Variants in SHISA6 observed in about 807,000 individuals in gnomAD.
The protein encoded by SHISA6 is protein shisa-6.
In SHISA6, 22 loss-of-function variants were observed where a neutral mutation model predicts 47.9. That is an observed-to-expected ratio of 0.46 (90% confidence interval 0.33 to 0.66). SHISA6 has a LOEUF of 0.66. Among genes scored for constraint, SHISA6 ranks in the 30% least tolerant of loss-of-function variants. The probability of loss-of-function intolerance (pLI) is 0.02; values close to 1 mark genes in which losing one functional copy is unlikely to be tolerated. For missense variants in SHISA6, 680 were observed against 764.6 expected (o/e 0.89, Z 1.30); for synonymous variants, 388 against 337.8 (o/e 1.15, Z -1.63).
In SHISA6 at chr17:11,471,913, A is replaced by G. The variant is rs538884107; in HGVS notation, c.896-79983A>G. Among the ~76,000 whole-genome samples the G allele has an allele frequency of 8.5e-5, 13 of 152,242 alleles. No homozygotes were observed. In the South Asian group the frequency reaches 2.7e-3, roughly 32 times the overall value. On this transcript the variant is annotated intron_variant, in intron 3 of 5. Coordinates refer to ENST00000441885, the MANE Select transcript of SHISA6 (RefSeq NM_207386.4). The stretch of plus-strand genomic sequence containing the variant: ...CATCCCCCACTGTAGTGGTACATTC[A>G]TTAAAATTGATACACCTACATTTAT...
chr17:11,494,889 A>G (rs900757507), intron 3 of SHISA6, among the ~76,000 whole-genome samples: 1 of 152,074 alleles, frequency 6.6e-6, no homozygotes, highest in African/African-American at 2.4e-5. Context: ...ATTACATCAA[A>G]ATGTCTGGAG....
intron 3 of SHISA6, among the ~76,000 whole-genome samples, chr17:11,500,643 T>C (rs1353813126): frequency 1.3e-5 from 2 of 152,176 alleles, no homozygotes; most frequent in Non-Finnish European, 2.9e-5. Context: ...CGCTAACAAA[T>C]ACGGTAGCCA....
intron 3 of SHISA6, among the ~76,000 whole-genome samples, chr17:11,462,752 T>G (rs1915722583): frequency 6.6e-6 from 1 of 152,088 alleles, no homozygotes; most frequent in South Asian, 2.1e-4. Flanking sequence ...CTCAGCCTCC[T>G]GAGTAGCTGG....
At chr17:11,407,493 GTT>G (rs35828366) in intron 3 of SHISA6, among the ~76,000 whole-genome samples, 3 of 150,392 alleles carry the variant, frequency 2.0e-5, no homozygotes, top group East Asian at 3.9e-4. Flanking sequence ...TTAGCATATT[GTT>G]TTTTTTTTCC....
intron 3 of SHISA6, among the ~76,000 whole-genome samples, chr17:11,401,431 T>C (rs1913769305): frequency 1.3e-5 from 2 of 152,306 alleles, no homozygotes; most frequent in East Asian, 1.9e-4. Flanking sequence ...ACTCCTGAGC[T>C]CAAGCAGTCT....
intron 3 of SHISA6, among the ~76,000 whole-genome samples, chr17:11,408,948 G>A (rs1428147501): frequency 6.6e-6 from 1 of 152,158 alleles, no homozygotes; most frequent in Non-Finnish European, 1.5e-5. Context: ...AAATTCAAAT[G>A]TTATTGCTTT....
intron 3 of SHISA6, among the ~76,000 whole-genome samples, chr17:11,523,290 C>A (rs2071645972): frequency 6.6e-6 from 1 of 152,234 alleles, no homozygotes; most frequent in Non-Finnish European, 1.5e-5. Context: ...TGTAGTTTCA[C>A]TGTAGTCATT....
chr17:11,433,168 G>T (rs1407266031), intron 3 of SHISA6, among the ~76,000 whole-genome samples: 5 of 152,136 alleles, frequency 3.3e-5, no homozygotes, highest in South Asian at 4.1e-4. Flanking sequence ...TGCCATGGTG[G>T]TTTGCTGCAC....
At chr17:11,459,218 CA>C (rs200165239) in intron 3 of SHISA6, among the ~76,000 whole-genome samples, 26,474 of 90,532 alleles carry the variant, frequency 0.29, 2,304 homozygotes, top group Middle Eastern at 0.43. Flanking sequence ...GACTCCATCT[CA>C]AAAAAAAAAA....
intron 3 of SHISA6, among the ~76,000 whole-genome samples, chr17:11,412,545 CT>C (rs34149055): frequency 0.2 from 23,896 of 117,024 alleles, 2,501 homozygotes; most frequent in African/African-American, 0.39. Context: ...TAGACTTCTT[CT>C]TTTTTTTTTT....
intron 2 of SHISA6, among the ~76,000 whole-genome samples, chr17:11,378,759 G>A (rs915093057): frequency 6.6e-6 from 1 of 152,158 alleles, no homozygotes; most frequent in African/African-American, 2.4e-5. Flanking sequence ...AGTTAAAGAA[G>A]CGAAGCACGT....
chr17:11,512,695 C>A (rs1012164742), intron 3 of SHISA6, among the ~76,000 whole-genome samples: 2 of 151,854 alleles, frequency 1.3e-5, no homozygotes, highest in African/African-American at 4.8e-5. Flanking sequence ...TCAAAAATAA[C>A]CATTTATTAT....
At chr17:11,534,249 G>T (rs1322593707) in intron 3 of SHISA6, among the ~76,000 whole-genome samples, 1 of 144,598 alleles carries the variant, frequency 6.9e-6, no homozygotes, top group Non-Finnish European at 1.5e-5. Flanking sequence ...CAAGTGATCC[G>T]CCCACCTTGG....
intron 3 of SHISA6, among the ~76,000 whole-genome samples, chr17:11,450,597 T>G (rs1915369335): frequency 6.6e-6 from 1 of 151,906 alleles, no homozygotes; most frequent in South Asian, 2.1e-4. Flanking sequence ...AGACAGATGT[T>G]GCAGTGAGCC....
At chr17:11,499,074 G>A (rs1013463456) in intron 3 of SHISA6, among the ~76,000 whole-genome samples, 5 of 152,184 alleles carry the variant, frequency 3.3e-5, no homozygotes, top group Admixed American at 6.5e-5. Context: ...CCCTCAGCAC[G>A]TGGACTGGCT....
intron 2 of SHISA6, among the ~76,000 whole-genome samples, chr17:11,286,308 C>T (rs1429573865): frequency 6.6e-6 from 1 of 152,208 alleles, no homozygotes; most frequent in Non-Finnish European, 1.5e-5. Context: ...TCCACATATC[C>T]TGGGCTTACA....
At chr17:11,350,178 A>ATTT (rs199879665) in intron 2 of SHISA6, among the ~76,000 whole-genome samples, 58 of 101,142 alleles carry the variant, frequency 5.7e-4, no homozygotes, top group South Asian at 1.7e-3. Flanking sequence ...TTATTTATTT[A>ATTT]TTTATTTTTT....
chr17:11,488,483 A>G (rs1349392882), intron 3 of SHISA6, among the ~76,000 whole-genome samples: 2 of 152,148 alleles, frequency 1.3e-5, no homozygotes, highest in Non-Finnish European at 1.5e-5. Flanking sequence ...GATCAACTCA[A>G]ACTGGACTAA....
At chr17:11,306,589 C>T (rs1351095903) in intron 2 of SHISA6, among the ~76,000 whole-genome samples, 2 of 152,174 alleles carry the variant, frequency 1.3e-5, no homozygotes, top group Non-Finnish European at 2.9e-5. Flanking sequence ...CATTGGTGAG[C>T]CCGCCCTTTG....
Sources: gnomAD v4.1 joint callset for allele counts (sites outside exome capture counted in the v4.1 genomes callset) on GRCh38, gnomAD v4.1.1 for gene constraint, MANE v1.5 for transcripts, NCBI Gene and HGNC (gene_info 2026-07-23, HGNC 2026-07-21) for gene names.